IL1RAPL1: variants seen among roughly 807,000 people sequenced by gnomAD.
IL1RAPL1 encodes the protein interleukin-1 receptor accessory protein-like 1.
IL1RAPL1 carries 3 observed loss-of-function variants against 48.4 expected under a neutral mutation model. The ratio of observed to expected loss-of-function variants is 0.06; its 90% CI spans 0.03 to 0.16. The LOEUF (loss-of-function observed/expected upper bound fraction) is 0.16, where lower values mean the gene tolerates loss of function less well. Among genes scored for constraint, IL1RAPL1 ranks in the 10% least tolerant of loss-of-function variants. The pLI is 1.00. For synonymous variants in IL1RAPL1, 185 were observed against 187.7 expected (o/e 0.99, Z 0.12); for missense variants, 349 against 530.6 (o/e 0.66, Z 3.36).
intron 2 of IL1RAPL1, among the ~76,000 whole-genome samples, chrX:29,217,773 TCTCTCA>T (rs777939553): frequency 0.015 from 1,075 of 70,983 alleles, 19 homozygotes; most frequent in African/African-American, 0.062. Context: ...TCTCTCTCTC[TCTCTCA>T]CACACACACA....
chrX:29,625,637 C>T (rs909102545), intron 5 of IL1RAPL1, among the ~76,000 whole-genome samples: 2 of 111,822 alleles, frequency 1.8e-5, no homozygotes, highest in African/African-American at 6.5e-5. Flanking sequence ...TTAAAACTCT[C>T]TCATTGAGAA....
intron 2 of IL1RAPL1, among the ~76,000 whole-genome samples, chrX:29,098,571 A>C (rs1261845196): frequency 1.8e-5 from 2 of 111,984 alleles, no homozygotes; most frequent in Non-Finnish European, 3.8e-5. Context: ...CAGCTGCAAC[A>C]TCACCTAGGG....
intron 2 of IL1RAPL1, among the ~76,000 whole-genome samples, chrX:28,861,571 A>G (rs923130630): frequency 8.9e-6 from 1 of 112,114 alleles, no homozygotes; most frequent in African/African-American, 3.2e-5. Flanking sequence ...AATGAACTGC[A>G]GTGGACTCTA....
intron 2 of IL1RAPL1, among the ~76,000 whole-genome samples, chrX:28,793,795 G>A (rs1936580980): frequency 9.0e-6 from 1 of 111,111 alleles, no homozygotes; most frequent in African/African-American, 3.3e-5. Context: ...GGGTCTGGAT[G>A]TAGAAATTAG....
intron 2 of IL1RAPL1, among the ~76,000 whole-genome samples, chrX:29,038,390 C>T (rs1926773808): frequency 8.9e-6 from 1 of 111,830 alleles, no homozygotes; most frequent in African/African-American, 3.2e-5. Context: ...AAAGAAAAAA[C>T]TATATATACA....
At chrX:28,755,550 A>T (rs1936096666) in intron 1 of IL1RAPL1, among the ~76,000 whole-genome samples, 1 of 111,874 alleles carries the variant, frequency 8.9e-6, no homozygotes, top group African/African-American at 3.3e-5. Flanking sequence ...ATTAGAAAAC[A>T]TACATAGTTC....
intron 2 of IL1RAPL1, among the ~76,000 whole-genome samples, chrX:28,814,529 C>T (rs1936837686): frequency 9.1e-6 from 1 of 110,208 alleles, no homozygotes; most frequent in Admixed American, 9.8e-5. Context: ...TATGGTATAT[C>T]TTTCTTAATC....
At chrX:28,639,490 A>G (rs1934508543) in intron 1 of IL1RAPL1, among the ~76,000 whole-genome samples, 1 of 111,935 alleles carries the variant, frequency 8.9e-6, no homozygotes, top group African/African-American at 3.2e-5. Context: ...CAGCAGTTGA[A>G]TTGGCTGCTC....
intron 6 of IL1RAPL1, among the ~76,000 whole-genome samples, chrX:29,911,189 A>G (rs1932753890): frequency 8.9e-6 from 1 of 112,052 alleles, no homozygotes; most frequent in Admixed American, 9.5e-5. Flanking sequence ...TACATGCTAT[A>G]TAACATGAAT....
At chrX:29,590,831 C>G (rs1315762062) in intron 5 of IL1RAPL1, among the ~76,000 whole-genome samples, 1 of 112,144 alleles carries the variant, frequency 8.9e-6, no homozygotes, top group Non-Finnish European at 1.9e-5. Flanking sequence ...ATCATTAACT[C>G]ACCTACCACA....
At chrX:29,637,773 C>A (rs1191756762) in intron 5 of IL1RAPL1, among the ~76,000 whole-genome samples, 2 of 111,765 alleles carry the variant, frequency 1.8e-5, no homozygotes, top group East Asian at 5.6e-4. Context: ...TATCTCTCCA[C>A]AGCACCTGAT....
intron 1 of IL1RAPL1, among the ~76,000 whole-genome samples, chrX:28,676,446 T>G (rs1452293584): frequency 9.0e-6 from 1 of 111,538 alleles, no homozygotes; most frequent in South Asian, 3.7e-4. Flanking sequence ...TAACACTTAT[T>G]TTATGGCTGG....
chrX:28,664,022 C>T (rs1190777403), intron 1 of IL1RAPL1, among the ~76,000 whole-genome samples: 1 of 112,066 alleles, frequency 8.9e-6, no homozygotes, highest in Non-Finnish European at 1.9e-5. Flanking sequence ...AGCCTGTTCT[C>T]TATTCTAGCC....
At chrX:29,137,743 A>G (rs188768222) in intron 2 of IL1RAPL1, among the ~76,000 whole-genome samples, 233 of 112,564 alleles carry the variant, frequency 2.1e-3, no homozygotes, top group African/African-American at 7.2e-3. Context: ...CTTGAAAAAT[A>G]TATTTTCTTG....
intron 6 of IL1RAPL1, among the ~76,000 whole-genome samples, chrX:29,730,851 A>G (rs994431204): frequency 9.0e-6 from 1 of 111,620 alleles, no homozygotes. Context: ...ATGAGATGAC[A>G]CAGTAAGGCT....
chrX:29,018,923 C>T (rs1308223725), intron 2 of IL1RAPL1, among the ~76,000 whole-genome samples: 9 of 111,853 alleles, frequency 8.0e-5, no homozygotes, highest in Non-Finnish European at 1.5e-4. Context: ...TGTTCTCATG[C>T]TGCTATATGG....
chrX:29,682,578 G>A (rs939199755), intron 6 of IL1RAPL1, among the ~76,000 whole-genome samples: 5 of 111,411 alleles, frequency 4.5e-5, no homozygotes, highest in Admixed American at 2.9e-4. Context: ...CATCATTTTT[G>A]TACATATTTT....
At chrX:28,757,878 C>T (rs940438195) in intron 1 of IL1RAPL1, among the ~76,000 whole-genome samples, 1 of 111,533 alleles carries the variant, frequency 9.0e-6, no homozygotes, top group African/African-American at 3.3e-5. Flanking sequence ...TCACTCTCCC[C>T]CTCTACCCTG....
intron 6 of IL1RAPL1, among the ~76,000 whole-genome samples, chrX:29,777,467 G>A (rs5928341): frequency 0.56 from 61,577 of 110,644 alleles, 14,179 homozygotes; most frequent in African/African-American, 0.89. Context: ...ATTTAATCAT[G>A]GATGAGGTTG....
Sources: allele counts gnomAD v4.1 joint callset (sites outside exome capture counted in the v4.1 genomes callset), GRCh38; gene constraint gnomAD v4.1.1; transcripts MANE v1.5; gene names NCBI Gene and HGNC (gene_info 2026-07-23, HGNC 2026-07-21).